EGLN1: variants seen among roughly 807,000 people sequenced by gnomAD.
EGLN1 encodes the protein egl nine homolog 1.
Under a neutral mutation model 38.3 loss-of-function variants are expected in EGLN1, and 17 were observed. The ratio of observed to expected loss-of-function variants is 0.44; its 90% CI spans 0.30 to 0.67. The LOEUF is 0.67. Ranked by LOEUF, EGLN1 falls within the 30% of genes least tolerant of loss-of-function variation. EGLN1 has a pLI of 0.08. For missense variants in EGLN1, 477 were observed against 603.3 expected (o/e 0.79, Z 2.19); for synonymous variants, 283 against 257.5 (o/e 1.10, Z -0.95).
chr1:231,375,073 T>A (rs935143629), intron 1 of EGLN1, among the ~76,000 whole-genome samples: 1 of 152,214 alleles, frequency 6.6e-6, no homozygotes, highest in African/African-American at 2.4e-5. Context: ...TTTTTGTTTG[T>A]TTTTTTACAG....
Position 231,421,285 on chromosome 1 carries a change from T to A in EGLN1, c.604A>T (p.Met202Leu). The change falls in exon 1 of 5, where the codon ATG becomes TTG. Residue 202 changes from methionine (M) to leucine (L), a missense_variant. Transcript: ENST00000366641. This position sits in a 1 kb window ranked among gnomAD's most constrained non-coding sequence, Gnocchi z 5.5. ...ACCACACAGATGCCGTGCTTGTTCA[T>A]GCACGGCACGATGTACTCGAGCGCC... ...KLALEYIVPC[M>L]NKHGICVVDD... 1 of 1,613,378 alleles carries A rather than the reference T, an allele frequency of 6.2e-7. No homozygotes were observed. The highest frequency in any genetic ancestry group is 8.5e-7 in the Non-Finnish European group (1 of 1,179,952).
chr1:231,411,301 T>C (rs1158566351), intron 1 of EGLN1, among the ~76,000 whole-genome samples: 1 of 152,196 alleles, frequency 6.6e-6, no homozygotes, highest in Non-Finnish European at 1.5e-5. Flanking sequence ...TGCTTCCCTT[T>C]TGCCTTCTGC....
At chr1:231,420,880 A>C (rs370544940) in intron 1 of EGLN1, 118 bp downstream of exon 1, 18 of 1,595,694 alleles carry the variant, frequency 1.1e-5, no homozygotes, top group Admixed American at 8.4e-5. Context: ...TACACAAGAA[A>C]GAGCGAGTCC....
intron 2 of EGLN1, among the ~76,000 whole-genome samples, chr1:231,373,702 GTA>G (rs1163882825): frequency 0.014 from 1,822 of 132,242 alleles, 31 homozygotes; most frequent in African/African-American, 0.052. Context: ...GTGTGTGTGT[GTA>G]TGTGTGTGTG....
intron 1 of EGLN1, among the ~76,000 whole-genome samples, chr1:231,416,436 ATT>A (rs34818710): frequency 9.9e-5 from 14 of 141,856 alleles, no homozygotes; most frequent in South Asian, 2.2e-4. Flanking sequence ...CAAAAAAAAA[ATT>A]TTTTTTTTTT....
intron 4 of EGLN1, 51 bp from the exon 5 acceptor site, chr1:231,366,526 A>T (rs773822525): frequency 6.5e-7 from 1 of 1,549,530 alleles, no homozygotes; most frequent in Non-Finnish European, 8.9e-7. Flanking sequence ...AGCACCAGAG[A>T]GCTTCTGCTA....
At chr1:231,384,747 G>A (rs568305102) in intron 1 of EGLN1, among the ~76,000 whole-genome samples, 1 of 152,210 alleles carries the variant, frequency 6.6e-6, no homozygotes, top group Non-Finnish European at 1.5e-5. Flanking sequence ...TAGAGCAGGG[G>A]CTGGCAGACC....
chr1:231,411,092 T>C (rs542734810), intron 1 of EGLN1, among the ~76,000 whole-genome samples: 3 of 152,268 alleles, frequency 2.0e-5, no homozygotes, highest in East Asian at 1.9e-4. Context: ...ATGGTTAATA[T>C]GGTTTGGCTC....
At chr1:231,389,351 T>G (rs1688309632) in intron 1 of EGLN1, among the ~76,000 whole-genome samples, 2 of 152,288 alleles carry the variant, frequency 1.3e-5, no homozygotes, top group East Asian at 1.9e-4. Context: ...AATAGAGATC[T>G]TTGAAGCTTG....
chr1:231,375,240 G>C (rs2102899305), intron 1 of EGLN1, among the ~76,000 whole-genome samples: 1 of 147,612 alleles, frequency 6.8e-6, no homozygotes, highest in Non-Finnish European at 1.5e-5. Flanking sequence ...ATTTTTAGTA[G>C]ATACAGGGTT....
At chr1:231,368,720 C>A (rs1436008112) in intron 3 of EGLN1, among the ~76,000 whole-genome samples, 1 of 152,212 alleles carries the variant, frequency 6.6e-6, no homozygotes, top group Non-Finnish European at 1.5e-5. Flanking sequence ...AGACATACAG[C>A]CAGTAATATG....
chr1:231,386,527 T>A (rs569979632), intron 1 of EGLN1, among the ~76,000 whole-genome samples: 2 of 150,456 alleles, frequency 1.3e-5, no homozygotes, highest in Non-Finnish European at 3.0e-5. Flanking sequence ...GTTATTTGTT[T>A]TTTCACATCA....
intron 1 of EGLN1, among the ~76,000 whole-genome samples, chr1:231,406,650 G>A (rs1688804016): frequency 6.6e-6 from 1 of 152,058 alleles, no homozygotes. Context: ...GATATGAAAT[G>A]CTTAAAAATG....
intron 2 of EGLN1, among the ~76,000 whole-genome samples, chr1:231,372,744 A>C (rs562797600): frequency 2.0e-5 from 3 of 152,326 alleles, no homozygotes; most frequent in African/African-American, 7.2e-5. Context: ...AAACTCTTTA[A>C]ATCAGTGTGT....
intron 4 of EGLN1, among the ~76,000 whole-genome samples, chr1:231,367,089 G>C (rs553580393): frequency 6.6e-6 from 1 of 152,120 alleles, no homozygotes; most frequent in Non-Finnish European, 1.5e-5. Context: ...AGCAGATATG[G>C]AATCTACATG....
chr1:231,401,921 C>T (rs1239007959), intron 1 of EGLN1, among the ~76,000 whole-genome samples: 1 of 152,062 alleles, frequency 6.6e-6, no homozygotes, highest in Non-Finnish European at 1.5e-5. Context: ...TTTGTATTTC[C>T]ACAAGTAATG....
At chr1:231,373,449 A>G (rs1687877906) in intron 2 of EGLN1, among the ~76,000 whole-genome samples, 2 of 152,238 alleles carry the variant, frequency 1.3e-5, no homozygotes, top group Non-Finnish European at 2.9e-5. Context: ...TAGATTTTAG[A>G]TAAGTGCTCT....
chr1:231,420,868 G>A (rs1656563343), intron 1 of EGLN1, 130 bp downstream of exon 1: 3 of 1,565,186 alleles, frequency 1.9e-6, no homozygotes, highest in African/African-American at 1.4e-5. Context: ...CTTACGGGGA[G>A]CTACACAAGA....
intron 1 of EGLN1, among the ~76,000 whole-genome samples, chr1:231,410,015 A>G (rs1272668533): frequency 6.6e-6 from 1 of 152,120 alleles, no homozygotes; most frequent in African/African-American, 2.4e-5. Flanking sequence ...GACTAGAGGG[A>G]AAAAAAGAGA....
Sources: gnomAD v4.1 joint callset for allele counts (sites outside exome capture counted in the v4.1 genomes callset) on GRCh38, gnomAD v4.1.1 for gene constraint, Gnocchi (gnomAD v3.1) non-coding constraint, MANE v1.5 for transcripts, NCBI Gene and HGNC (gene_info 2026-07-23, HGNC 2026-07-21) for gene names.